NOS1AP: variants seen among roughly 807,000 people sequenced by gnomAD.
NOS1AP encodes carboxyl-terminal PDZ ligand of neuronal nitric oxide synthase protein.
Under a neutral mutation model 56.2 loss-of-function variants are expected in NOS1AP, and 21 were observed. That is an observed-to-expected ratio of 0.37 (90% CI 0.26 to 0.54). NOS1AP has a LOEUF of 0.54. Ranked by LOEUF, NOS1AP falls within the 20% of genes least tolerant of loss-of-function variation. NOS1AP has a pLI of 0.84. For synonymous variants in NOS1AP, 270 were observed against 274.6 expected, an observed-to-expected ratio of 0.98 and a Z score of 0.17; for missense variants, 522 against 657.8, an observed-to-expected ratio of 0.79 and a Z score of 2.26.
intron 2 of NOS1AP, among the ~76,000 whole-genome samples, chr1:162,178,067 A>G (rs1305847026): frequency 6.6e-6 from 1 of 152,194 alleles, no homozygotes. Context: ...TGCCTTTTCC[A>G]GAATGTCATA....
chr1:162,305,551 T>C (rs1655798768), intron 4 of NOS1AP, among the ~76,000 whole-genome samples: 1 of 152,198 alleles, frequency 6.6e-6, no homozygotes, highest in South Asian at 2.1e-4. Flanking sequence ...ATATAGATCT[T>C]TTTCTCTTTT....
At chr1:162,297,265 G>A (rs1426676912) in intron 3 of NOS1AP, among the ~76,000 whole-genome samples, 4 of 152,212 alleles carry the variant, frequency 2.6e-5, no homozygotes, top group African/African-American at 9.7e-5. Flanking sequence ...TCACACCAGA[G>A]CTGCAAGGAC....
At chr1:162,315,782 G>A (rs932193846) in intron 4 of NOS1AP, among the ~76,000 whole-genome samples, 1 of 152,094 alleles carries the variant, frequency 6.6e-6, no homozygotes, top group South Asian at 2.1e-4. Context: ...ATCTTTCAAC[G>A]TTTATTGTAA....
intron 4 of NOS1AP, among the ~76,000 whole-genome samples, chr1:162,320,726 C>T (rs1341711130): frequency 7.9e-5 from 12 of 152,014 alleles, no homozygotes; most frequent in African/African-American, 1.7e-4. Flanking sequence ...TGGTGGCGCG[C>T]GCCTGTAGTC....
At chr1:162,362,811 G>A (rs1202179311) in intron 8 of NOS1AP, among the ~76,000 whole-genome samples, 2 of 152,146 alleles carry the variant, frequency 1.3e-5, no homozygotes, top group Non-Finnish European at 2.9e-5. Flanking sequence ...TAGATTTGGG[G>A]GACCCCCAGC....
At chr1:162,091,065 G>C (rs1389949826) in intron 1 of NOS1AP, among the ~76,000 whole-genome samples, 1 of 151,140 alleles carries the variant, frequency 6.6e-6, no homozygotes, top group Non-Finnish European at 1.5e-5. Context: ...AAAATCTCTT[G>C]TTTTCATGGA....
chr1:162,136,283 A>G (rs567018727), intron 1 of NOS1AP, among the ~76,000 whole-genome samples: 1 of 152,248 alleles, frequency 6.6e-6, no homozygotes, highest in African/African-American at 2.4e-5. Context: ...TTATTTATTT[A>G]TTTATTTTTT....
intron 8 of NOS1AP, among the ~76,000 whole-genome samples, chr1:162,360,380 G>A (rs112316434): frequency 0.021 from 3,226 of 152,290 alleles, 43 homozygotes; most frequent in South Asian, 0.033. Context: ...GCTAAGCCTC[G>A]AAGCGAAGCT....
intron 2 of NOS1AP, among the ~76,000 whole-genome samples, chr1:162,207,137 T>C (rs988831228): frequency 3.8e-4 from 58 of 152,234 alleles, no homozygotes; most frequent in African/African-American, 1.3e-3. Context: ...TGCTGCTGCC[T>C]TGTTTTAACA....
chr1:162,342,747 G>A (rs1466083423), intron 5 of NOS1AP: 1 of 375,828 alleles, frequency 2.7e-6, no homozygotes, highest in Non-Finnish European at 5.4e-6. Context: ...ACCTGGGGTG[G>A]GTGGGAGGTG....
At chr1:162,190,758 T>G (rs921206563) in intron 2 of NOS1AP, among the ~76,000 whole-genome samples, 17 of 150,548 alleles carry the variant, frequency 1.1e-4, no homozygotes, top group African/African-American at 4.3e-4. Context: ...CCTATTACCC[T>G]CTTCCCCCTA....
At chr1:162,160,838 CTT>C (rs1210864364) in intron 2 of NOS1AP, among the ~76,000 whole-genome samples, 2 of 152,176 alleles carry the variant, frequency 1.3e-5, no homozygotes, top group African/African-American at 4.8e-5. Flanking sequence ...ATAATACAAA[CTT>C]AGCGGCTTAA....
chr1:162,284,565 C>A (rs945620700), intron 2 of NOS1AP, among the ~76,000 whole-genome samples: 2 of 149,078 alleles, frequency 1.3e-5, no homozygotes, highest in Non-Finnish European at 3.0e-5. Flanking sequence ...TGGGAGAAAT[C>A]ATTTGGTCAT....
chr1:162,128,518 AAT>A (rs1377570750), intron 1 of NOS1AP, among the ~76,000 whole-genome samples: 1 of 152,200 alleles, frequency 6.6e-6, no homozygotes, highest in Non-Finnish European at 1.5e-5. Context: ...ATAAATATTC[AAT>A]GTTATATTAA....
At chr1:162,221,316 T>C (rs1652761144) in intron 2 of NOS1AP, among the ~76,000 whole-genome samples, 1 of 152,208 alleles carries the variant, frequency 6.6e-6, no homozygotes, top group South Asian at 2.1e-4. Context: ...GGAATTCGCA[T>C]TGAAGGCTTG....
chr1:162,173,112 A>C (rs1650879711), intron 2 of NOS1AP, among the ~76,000 whole-genome samples: 1 of 152,150 alleles, frequency 6.6e-6, no homozygotes, highest in Non-Finnish European at 1.5e-5. Context: ...GTGTATGTTG[A>C]TGCAAAAGTT....
intron 1 of NOS1AP, among the ~76,000 whole-genome samples, chr1:162,086,423 A>G (rs186376467): frequency 5.3e-5 from 8 of 152,284 alleles, no homozygotes; most frequent in East Asian, 1.9e-4. Flanking sequence ...TCTGTCTTCT[A>G]TACCCTTCCT....
chr1:162,338,536 T>G (rs1005984802), intron 5 of NOS1AP: 17 of 152,234 alleles, frequency 1.1e-4, no homozygotes, highest in African/African-American at 3.9e-4. Context: ...AGAATATGAC[T>G]AATAAGAACC....
chr1:162,289,464 C>CTTTTTTAT (rs565786964), intron 3 of NOS1AP, among the ~76,000 whole-genome samples: 1 of 45,050 alleles, frequency 2.2e-5, no homozygotes, highest in Non-Finnish European at 4.0e-5. Context: ...CGCCCAGCTA[C>CTTTTTTAT]TTTTCTTTTT....
Sources: allele counts gnomAD v4.1 joint callset (sites outside exome capture counted in the v4.1 genomes callset), GRCh38; gene constraint gnomAD v4.1.1; transcripts MANE v1.5; gene names NCBI Gene and HGNC (gene_info 2026-07-23, HGNC 2026-07-21).